The following SLC25A30 variants were observed in gnomAD, a reference collection of about 807,000 sequenced individuals.
SLC25A30 encodes the protein solute carrier family 25 member 30.
SLC25A30 carries 29 observed loss-of-function variants against 42.7 expected under a neutral mutation model. The observed-to-expected ratio is 0.68, with a 90% CI of 0.51 to 0.93. SLC25A30 has a LOEUF of 0.93. SLC25A30 is among the 40% of genes least tolerant of loss of function. SLC25A30 has a pLI of 0.00. For missense variants in SLC25A30, 300 were observed against 359.7 expected (o/e 0.83, Z 1.34); for synonymous variants, 124 against 131.0 (o/e 0.95, Z 0.37).
Position 45,401,098 on chromosome 13 carries a change from A to G in SLC25A30, c.599T>C (p.Val200Ala), listed in dbSNP as rs1315418111. 4.3e-6 allele frequency: 7 copies of G among 1,613,448 alleles called. No homozygotes were observed. Among genetic ancestry groups the G allele is most frequent in the Non-Finnish European group, 5.9e-6 (7 of 1,179,568 alleles). The part of the protein sequence containing the change: ...LILSGLMGDT[V>A]YTHFLSSFTC... Reference sequence around the variant, plus strand: ...ATGAACATACAGGAAGTGGGTATACACAGTGTCTCCCATCAGGCCTGAGAG... The same window carrying G: ...ATGAACATACAGGAAGTGGGTATACGCAGTGTCTCCCATCAGGCCTGAGAG... The change falls in exon 7 of 10, where the codon GTG (valine) becomes GCG (alanine). Residue 200 changes from valine (V) to alanine (A), a missense_variant. Physicochemically the swap from Val to Ala is moderately conservative, Grantham distance 64. Transcript: ENST00000519676.
the SLC25A30 span, among the ~76,000 whole-genome samples, chr13:45,426,374 C>T: frequency 2.6e-5 from 4 of 152,230 alleles, no homozygotes; most frequent in South Asian, 6.2e-4. Flanking sequence ...CATGAGCCAC[C>T]GCCCCCGGCC....
In SLC25A30 at chr13:45,395,913, G is replaced by C. The variant is rs1881272087; in HGVS notation, c.*61C>G. The C allele has an allele frequency of 6.2e-6, 10 of 1,613,948 alleles. No individual in the cohort carries two copies. Among genetic ancestry groups the C allele is most frequent in the Non-Finnish European group, 7.6e-6 (9 of 1,179,956 alleles). On this transcript the variant is annotated 3_prime_UTR_variant, in exon 10 of 10. Transcript: ENST00000519676. ...CAGTGAGAAGCAGAGTGAAACACAGGAAGCTTTGCTGTTTCAGAAGTTACC... is the reference window on the plus strand; with the variant it reads ...CAGTGAGAAGCAGAGTGAAACACAGCAAGCTTTGCTGTTTCAGAAGTTACC...
the SLC25A30 span, among the ~76,000 whole-genome samples, chr13:45,424,596 T>TATATAG: frequency 1.6e-4 from 9 of 56,162 alleles, no homozygotes; most frequent in African/African-American, 7.0e-4. Flanking sequence ...TAAATATATA[T>TATATAG]AAATATATAT....
At chr13:45,423,678 T>TTATATAAATATATAAAAATATATAAAAA in the SLC25A30 span, among the ~76,000 whole-genome samples, 286 of 19,602 alleles carry the variant, frequency 0.015, 37 homozygotes, top group African/African-American at 0.019. Flanking sequence ...AAATACATAT[T>TTATATAAATATATAAAAATATATAAAAA]TATATAAATA....
Position 45,395,785 on chromosome 13 carries a change from C to T in SLC25A30, c.*189G>A. 1 of 1,463,808 alleles carries T rather than the reference C, an allele frequency of 6.8e-7. No individual in the cohort carries two copies. The highest frequency in any genetic ancestry group is 9.0e-7 in the Non-Finnish European group (1 of 1,108,642). The allele number at this position is 1,463,808 out of a possible 1,614,324, so 90.7% of individuals were successfully genotyped here. A position where few individuals can be genotyped will look rare whatever the true frequency, so the allele number is the denominator to read the frequency against. On this transcript the variant is annotated 3_prime_UTR_variant, in exon 10 of 10. Coordinates refer to ENST00000519676, the MANE Select transcript of SLC25A30 (RefSeq NM_001010875.4). ...ACTAGTGTTTGGATGTTAGTTTATG[C>T]CATTAAACGTTTGATGAAGAGCATC... is the stretch of plus-strand genomic sequence containing the variant.
At chr13:45,408,816 T>C in intron 3 of SLC25A30, 111 bp downstream of exon 3, 1 of 970,140 alleles carries the variant, frequency 1.0e-6, no homozygotes, top group Non-Finnish European at 1.4e-6. Flanking sequence ...TATTTGTTCT[T>C]TTCAAACACA....
the SLC25A30 span, among the ~76,000 whole-genome samples, chr13:45,424,859 T>TAC: frequency 2.0e-5 from 1 of 50,856 alleles, no homozygotes. Flanking sequence ...TAAATATATA[T>TAC]ATAAAAATAT....
intron 1 of SLC25A30, among the ~76,000 whole-genome samples, chr13:45,417,915 C>T (rs971690636): frequency 1.3e-5 from 2 of 152,208 alleles, no homozygotes; most frequent in Non-Finnish European, 2.9e-5. Flanking sequence ...TTTGAATGAA[C>T]GCACGAGTGG....
At chr13:45,409,198 G>T in intron 2 of SLC25A30, 124 bp from the exon 3 acceptor site, 1 of 691,924 alleles carries the variant, frequency 1.4e-6, no homozygotes, top group Non-Finnish European at 2.1e-6. Flanking sequence ...TTAAGAAATG[G>T]CACTTTGCAA....
At position 45,404,228 on chromosome 13, in the gene SLC25A30, A is replaced by G. The variant is rs973594555; in HGVS notation, c.393+99T>C. 7 of 852,258 alleles carry G rather than the reference A, an allele frequency of 8.2e-6. No homozygotes were observed. The African/African-American group carries it at 8.3e-5, about 10-fold the overall frequency. 52.8% of individuals were successfully genotyped at this position (852,258 alleles called of 1,614,324 possible). ...GCACTTAAATTATAAACAGATTCAC[A>G]TATACACAGATGTTACATTCACAGA... On this transcript the variant is annotated intron_variant, in intron 5 of 9. Coordinates refer to ENST00000519676, the MANE Select transcript of SLC25A30 (RefSeq NM_001010875.4).
chr13:45,419,422 G>A, upstream of SLC25A30, among the ~76,000 whole-genome samples: 1 of 150,450 alleles, frequency 6.6e-6, no homozygotes, highest in East Asian at 2.0e-4. Context: ...AGGTTCAAGT[G>A]ATTCTGCTGC....
At chr13:45,429,024 G>A in the SLC25A30 span, among the ~76,000 whole-genome samples, 1 of 150,348 alleles carries the variant, frequency 6.7e-6, no homozygotes, top group African/African-American at 2.4e-5. Context: ...ACCAGCAATG[G>A]GAAGAATTGA....
chr13:45,404,938 CTT>C (rs1325491689), intron 4 of SLC25A30, among the ~76,000 whole-genome samples: 3 of 151,926 alleles, frequency 2.0e-5, no homozygotes, highest in East Asian at 3.9e-4. Context: ...TTTTTTTTCT[CTT>C]GAGATAGGGT....
the SLC25A30 span, among the ~76,000 whole-genome samples, chr13:45,424,020 TA>T: frequency 1.8e-5 from 1 of 54,278 alleles, no homozygotes; most frequent in East Asian, 4.1e-4. Flanking sequence ...TATAAATCTG[TA>T]AAAATATATA....
chr13:45,418,829 T>A (rs1374684679), upstream of SLC25A30: 5 of 151,212 alleles, frequency 3.3e-5, no homozygotes, highest in Admixed American at 6.6e-5. Flanking sequence ...TAATCCCAGC[T>A]ACTTGGGTGG....
the SLC25A30 span, among the ~76,000 whole-genome samples, chr13:45,428,681 C>A: frequency 6.6e-6 from 1 of 151,506 alleles, no homozygotes; most frequent in Non-Finnish European, 1.5e-5. Flanking sequence ...CACCACCATG[C>A]CTGACTAATG....
chr13:45,406,207 C>T (rs1202627710), intron 3 of SLC25A30, among the ~76,000 whole-genome samples: 3 of 152,032 alleles, frequency 2.0e-5, no homozygotes, highest in African/African-American at 4.8e-5. Flanking sequence ...CTCAGCCTCC[C>T]GAGTAGCTGG....
At chr13:45,416,932 C>T (rs1425192016) in intron 1 of SLC25A30, among the ~76,000 whole-genome samples, 1 of 152,140 alleles carries the variant, frequency 6.6e-6, no homozygotes, top group African/African-American at 2.4e-5. Context: ...TTTCACCCAC[C>T]TGACCTCATG....
At chr13:45,423,384 G>C (rs1051934293), upstream of SLC25A30, among the ~76,000 whole-genome samples, 4 of 149,032 alleles carry the variant, frequency 2.7e-5, no homozygotes, top group Admixed American at 6.9e-5. Context: ...TTAATTTTAC[G>C]TTACTCTCTG....
Sources: gnomAD v4.1 joint callset for allele counts (sites outside exome capture counted in the v4.1 genomes callset) on GRCh38, gnomAD v4.1.1 for gene constraint, MANE v1.5 for transcripts, NCBI Gene and HGNC (gene_info 2026-07-23, HGNC 2026-07-21) for gene names.